Variants in CTNNA2 observed in about 807,000 individuals in gnomAD.
CTNNA2 encodes catenin alpha-2.
A neutral mutation model predicts 101.0 loss-of-function variants in CTNNA2; 42 were observed. That is an observed-to-expected ratio of 0.42 (90% CI 0.32 to 0.54). The LOEUF (loss-of-function observed/expected upper bound fraction) is 0.54, where lower values mean the gene tolerates loss of function less well. Ranked by LOEUF, CTNNA2 falls within the 20% of genes least tolerant of loss-of-function variation. CTNNA2 has a pLI of 0.14. For missense variants in CTNNA2, 871 were observed against 1,223.1 expected, an observed-to-expected ratio of 0.71 and a Z score of 4.29; for synonymous variants, 450 against 456.4, an observed-to-expected ratio of 0.99 and a Z score of 0.18.
In CTNNA2 at chr2:79,874,248, G is replaced by A; in HGVS notation, c.758G>A (p.Gly253Asp). The change falls in exon 6 of 19, where the codon GGC becomes GAC. Residue 253 changes from glycine (G) to aspartate (D), a missense_variant. Gly to Asp is a moderately conservative substitution (Grantham distance 94, BLOSUM62 -1). Coordinates refer to ENST00000402739, the MANE Select transcript of CTNNA2 (RefSeq NM_001282597.3). ...VFKQVQEAIA[G>D]ISNAAQATSP... Reference sequence around the variant, plus strand: ...AAACAAGTCCAGGAGGCCATCGCCGGCATCTCCAATGCTGCTCAAGCTACC... The same window carrying A: ...AAACAAGTCCAGGAGGCCATCGCCGACATCTCCAATGCTGCTCAAGCTACC... The A allele has an allele frequency of 1.9e-6, 3 of 1,614,128 alleles. No individual in the cohort carries two copies. The highest frequency in any genetic ancestry group is 2.5e-6 in the Non-Finnish European group (3 of 1,180,038).
chr2:80,146,728 T>G (rs1440312247), intron 7 of CTNNA2, among the ~76,000 whole-genome samples: 3 of 117,650 alleles, frequency 2.5e-5, no homozygotes, highest in African/African-American at 9.8e-5. Flanking sequence ...TTTTTTTTTT[T>G]TTTTTTTTTT....
At chr2:80,265,581 G>A (rs1049765646) in intron 7 of CTNNA2, among the ~76,000 whole-genome samples, 1 of 152,104 alleles carries the variant, frequency 6.6e-6, no homozygotes, top group African/African-American at 2.4e-5. Flanking sequence ...AGGTGACATA[G>A]ACCACCCCTT....
At chr2:79,576,535 T>G (rs1178348819) in intron 1 of CTNNA2, among the ~76,000 whole-genome samples, 7 of 152,166 alleles carry the variant, frequency 4.6e-5, no homozygotes, top group Admixed American at 4.6e-4. Flanking sequence ...AACAAGAGTC[T>G]CATCGATTTG....
chr2:80,186,054 G>A (rs781415478), intron 7 of CTNNA2, among the ~76,000 whole-genome samples: 3 of 152,136 alleles, frequency 2.0e-5, no homozygotes, highest in African/African-American at 7.2e-5. Flanking sequence ...TTTGTGGATG[G>A]CAAAGCCAGA....
chr2:80,471,946 C>T (rs569809624), intron 9 of CTNNA2, among the ~76,000 whole-genome samples: 3 of 151,934 alleles, frequency 2.0e-5, no homozygotes, highest in Non-Finnish European at 4.4e-5. Context: ...GCCAATGTGG[C>T]GAAACCCCAT....
At chr2:79,974,334 A>T (rs1690691480) in intron 7 of CTNNA2, among the ~76,000 whole-genome samples, 1 of 152,146 alleles carries the variant, frequency 6.6e-6, no homozygotes, top group South Asian at 2.1e-4. Flanking sequence ...TGTAGAAGCA[A>T]ATGGGTTTAT....
At chr2:80,239,842 G>A (rs1161477413) in intron 7 of CTNNA2, among the ~76,000 whole-genome samples, 1 of 151,770 alleles carries the variant, frequency 6.6e-6, no homozygotes, top group African/African-American at 2.4e-5. Context: ...AACCTGGGAG[G>A]CAGAAGTTGC....
chr2:80,565,032 G>T (rs1056344783), intron 12 of CTNNA2, among the ~76,000 whole-genome samples: 3 of 152,182 alleles, frequency 2.0e-5, no homozygotes, highest in African/African-American at 7.2e-5. Context: ...TCAATCAAGT[G>T]ATGTAAATTA....
intron 3 of CTNNA2, among the ~76,000 whole-genome samples, chr2:79,795,460 T>A (rs1675623712): frequency 6.6e-6 from 1 of 152,034 alleles, no homozygotes; most frequent in Non-Finnish European, 1.5e-5. Context: ...ATATTTTAAA[T>A]TAGCTTGCAA....
intron 7 of CTNNA2, among the ~76,000 whole-genome samples, chr2:80,131,197 T>A (rs999362402): frequency 6.6e-6 from 1 of 152,160 alleles, no homozygotes; most frequent in African/African-American, 2.4e-5. Flanking sequence ...TAGCCAGGAC[T>A]ATTGGCGTGC....
intron 7 of CTNNA2, chr2:80,313,601 GTC>G (rs1677815639): frequency 6.2e-7 from 1 of 1,611,628 alleles, no homozygotes; most frequent in Non-Finnish European, 8.5e-7. Context: ...AGTAGGCAAA[GTC>G]TGTGAAAAAA....
At chr2:80,435,305 G>A (rs1489927858) in intron 9 of CTNNA2, among the ~76,000 whole-genome samples, 1 of 152,164 alleles carries the variant, frequency 6.6e-6, no homozygotes, top group African/African-American at 2.4e-5. Flanking sequence ...CAAGAAATAG[G>A]TGAAGGTTTG....
intron 2 of CTNNA2, among the ~76,000 whole-genome samples, chr2:79,709,908 T>G (rs1459077848): frequency 6.6e-6 from 1 of 151,976 alleles, no homozygotes; most frequent in Non-Finnish European, 1.5e-5. Context: ...CAGAAAACAC[T>G]GGTCAGGAGT....
chr2:79,317,952 G>T (rs2104406219), intron 3 of CTNNA2, among the ~76,000 whole-genome samples: 1 of 152,070 alleles, frequency 6.6e-6, no homozygotes, highest in South Asian at 2.1e-4. Flanking sequence ...AAATTCTGCA[G>T]CATTACAAAC....
chr2:79,519,076 A>G (rs946037516), intron 1 of CTNNA2, among the ~76,000 whole-genome samples: 6 of 151,942 alleles, frequency 3.9e-5, no homozygotes, highest in African/African-American at 1.5e-4. Flanking sequence ...TAAAAATACA[A>G]AAATTAGCCA....
intron 8 of CTNNA2, among the ~76,000 whole-genome samples, chr2:80,417,256 T>G (rs1277549979): frequency 1.3e-5 from 2 of 151,688 alleles, no homozygotes; most frequent in Middle Eastern, 3.4e-3. Flanking sequence ...TTATATACTT[T>G]TTTTTTGGTG....
At chr2:79,872,343 C>T (rs1025484031) in intron 5 of CTNNA2, among the ~76,000 whole-genome samples, 4 of 151,234 alleles carry the variant, frequency 2.6e-5, no homozygotes, top group Admixed American at 6.6e-5. Context: ...TTTCACAACC[C>T]GCATTTCTCA....
intron 7 of CTNNA2, among the ~76,000 whole-genome samples, chr2:80,242,907 T>G (rs1291138359): frequency 6.6e-6 from 1 of 152,090 alleles, no homozygotes; most frequent in East Asian, 1.9e-4. Flanking sequence ...GGGTTTTCAC[T>G]AGGACCACTG....
At chr2:80,505,285 T>C (rs1688180247) in intron 9 of CTNNA2, among the ~76,000 whole-genome samples, 1 of 152,174 alleles carries the variant, frequency 6.6e-6, no homozygotes, top group Admixed American at 6.5e-5. Flanking sequence ...TACGTAAAGC[T>C]CCCACCCCAG....
Sources: gnomAD v4.1 joint callset for allele counts (sites outside exome capture counted in the v4.1 genomes callset) on GRCh38, gnomAD v4.1.1 for gene constraint, MANE v1.5 for transcripts, NCBI Gene and HGNC (gene_info 2026-07-23, HGNC 2026-07-21) for gene names.